SPIRE2: variants seen among roughly 807,000 people sequenced by gnomAD.
SPIRE2 encodes spire type actin nucleation factor 2, also known as protein spire homolog 2.
Under a neutral mutation model 80.7 loss-of-function variants are expected in SPIRE2, and 76 were observed. The observed-to-expected ratio is 0.94, with a 90% confidence interval of 0.78 to 1.14. The LOEUF is 1.14. Among genes scored for constraint, SPIRE2 ranks in the 50% most tolerant of loss-of-function variants. SPIRE2 has a pLI of 0.00. For missense variants in SPIRE2, 1,196 were observed against 1,015.3 expected, an observed-to-expected ratio of 1.18 and a Z score of -2.42; for synonymous variants, 535 against 432.6, an observed-to-expected ratio of 1.24 and a Z score of -2.94.
At position 89,863,715 on chromosome 16, in the gene SPIRE2, C is replaced by T; in HGVS notation, c.1711-79C>T. ...GTTTGCTCATGATCTGGTTGGGAGC[C>T]CTGAGGGGGTAGCAGGGACAGGGCG... On this transcript the variant is annotated intron_variant, in intron 11 of 14. Coordinates refer to ENST00000378247, the MANE Select transcript of SPIRE2 (RefSeq NM_032451.2). The surrounding 1 kb of genome is among the most constrained non-coding windows in gnomAD (Gnocchi z 4.3). 1 of 1,608,596 alleles carries T rather than the reference C, an allele frequency of 6.2e-7. No individual in the cohort carries two copies. The highest frequency in any genetic ancestry group is 1.3e-5 in the African/African-American group (1 of 74,906).
chr16:89,858,162 G>A lies in SPIRE2; in HGVS notation c.1103-176G>A, dbSNP rs181717407. ...GGCCTCCCAAAGTGCTGGGATTACAGGCGTGAGCCACCGCGCCCGGCCTAG... is the reference window on the plus strand; with the variant it reads ...GGCCTCCCAAAGTGCTGGGATTACAAGCGTGAGCCACCGCGCCCGGCCTAG... On this transcript the variant is annotated intron_variant, in intron 7 of 14. Coordinates refer to ENST00000378247, the MANE Select transcript of SPIRE2 (RefSeq NM_032451.2). 7.1e-3 allele frequency among the ~76,000 whole-genome samples: 1,079 copies of A among 152,326 alleles called. 5 individuals are homozygous for A. The highest frequency in any genetic ancestry group is 0.025 in the African/African-American group (1,024 of 41,586).
intron 12 of SPIRE2, among the ~76,000 whole-genome samples, chr16:89,866,574 G>A (rs947265615): frequency 9.9e-5 from 15 of 151,018 alleles, no homozygotes; most frequent in Admixed American, 2.6e-4. Context: ...GGATTACAGC[G>A]GTGAGCCACC....
rs547976606 is a variant in SPIRE2, at chr16:89,856,985, G to A, written c.1102+749G>A. 3.9e-4 allele frequency among the ~76,000 whole-genome samples: 59 copies of A among 150,510 alleles called. 1 individual carries two copies. In the South Asian group the frequency reaches 0.012, roughly 31 times the overall value. ...AGGGGCTGAGGTGGGAGGATTGCTT[G>A]AACCTGAGAAGTTGATGCCGAAGTG... On this transcript the variant is annotated intron_variant, in intron 7 of 14. Transcript: ENST00000378247.
chr16:89,861,479 CCTGCCCTGT>C (rs1234134363), intron 10 of SPIRE2, among the ~76,000 whole-genome samples: 1 of 152,214 alleles, frequency 6.6e-6, no homozygotes, highest in Non-Finnish European at 1.5e-5. Context: ...AAACGCAGGG[CCTGCCCTGT>C]TAGCCTAGGT....
chr16:89,860,706 G>C lies in SPIRE2; in HGVS notation c.1486G>C (p.Asp496His), dbSNP rs201608164. The change falls in exon 10 of 15, where the codon GAC (aspartate) becomes CAC (histidine). Residue 496 changes from aspartate to histidine, a missense_variant. By Grantham distance (81) the Asp-to-His change is moderately conservative. Coordinates refer to ENST00000378247, the MANE Select transcript of SPIRE2 (RefSeq NM_032451.2). ...AGGTACCTGTCCCGCGAGTGTCTCT[G>C]ACCCCAGCCACCCCCTACTCAGCAA... ...DQGTCPASVS[D>H]PSHPLLSNRG... 31 of 1,593,066 alleles carry C rather than the reference G, an allele frequency of 1.9e-5. No homozygotes were observed. In the East Asian group the frequency reaches 5.3e-4, roughly 27 times the overall value.
chr16:89,862,786 G>C (rs185084938), intron 10 of SPIRE2: 1 of 152,614 alleles, frequency 6.6e-6, no homozygotes, highest in Admixed American at 6.5e-5. Context: ...CCATCTCTGT[G>C]GCACCTTCAT....
rs1350191632 is a variant in SPIRE2 at position 89,863,507 on chromosome 16, T to G, written c.1607T>G (p.Leu536Arg). ...EFSHPVESLA[L>R]TVEEVMDVRR... is the part of the protein sequence containing the mutation. ...AGCCACCCCGTGGAGAGCCTGGCGC[T>G]GACTGTGGAAGAGGTGATGGACGTG... The change falls in exon 11 of 15, where the codon CTG becomes CGG. Residue 536 changes from leucine (L) to arginine (R), a missense_variant. By Grantham distance (102) the Leu-to-Arg change is moderately radical. Coordinates refer to ENST00000378247, the MANE Select transcript of SPIRE2 (RefSeq NM_032451.2). The surrounding 1 kb of genome is among the most constrained non-coding windows in gnomAD (Gnocchi z 4.3). 4 of 1,614,070 alleles carry G rather than the reference T, an allele frequency of 2.5e-6. No homozygotes were observed. The highest frequency in any genetic ancestry group is 2.2e-5 in the East Asian group (1 of 44,884).
intron 14 of SPIRE2, 119 bp from the exon 15 acceptor site, chr16:89,869,931 G>T (rs2041824650): frequency 2.3e-6 from 2 of 867,338 alleles, no homozygotes; most frequent in Non-Finnish European, 3.6e-6. Flanking sequence ...TTGCCTGAGG[G>T]CCAAGGGGAG....
Position 89,850,447 on chromosome 16 carries a change from C to G in SPIRE2, c.432C>G (p.Ala144=), listed in dbSNP as rs1443458905. ...NNDSEDSGCG[A]ADEGYGGPEE... is the part of the protein sequence containing the mutation. ...ACAGCGAGGACAGCGGCTGCGGTGCCGCCGATGAGGGCTACGGGGGTCCCG... is the reference window on the plus strand; with the variant it reads ...ACAGCGAGGACAGCGGCTGCGGTGCGGCCGATGAGGGCTACGGGGGTCCCG... Residue 144 remains alanine (A), a synonymous_variant, in exon 3 of 15, where the codon GCC becomes GCG. Transcript: ENST00000378247. The G allele has an allele frequency of 6.4e-7, 1 of 1,570,740 alleles. No homozygotes were observed. Among genetic ancestry groups the G allele is most frequent in the East Asian group, 2.3e-5 (1 of 43,626 alleles).
At chr16:89,835,574 T>G (rs2041440445) in intron 1 of SPIRE2, among the ~76,000 whole-genome samples, 1 of 152,120 alleles carries the variant, frequency 6.6e-6, no homozygotes, top group Non-Finnish European at 1.5e-5. Flanking sequence ...TGCAGCCCAT[T>G]TAAGCAAACA....
Position 89,859,232 on chromosome 16 carries a change from C to T in SPIRE2, c.1340C>T (p.Ala447Val). The part of the protein sequence containing the change: ...RDRSFSEHDL[A>V]QLRSEVASGL... The stretch of plus-strand genomic sequence containing the variant: ...CGCTCCTTCTCAGAGCATGACCTGG[C>T]CCAGCTCCGAAGTGAGGTGGCCTCT... Residue 447 changes from alanine (A) to valine (V), a missense_variant, in exon 9 of 15, where the codon GCC (alanine) becomes GTC (valine). Physicochemically the swap from Ala to Val is moderately conservative, Grantham distance 64. Transcript: ENST00000378247. The T allele has an allele frequency of 2.5e-6, 4 of 1,608,924 alleles. No individual in the cohort carries two copies. The highest frequency in any genetic ancestry group is 3.4e-6 in the Non-Finnish European group (4 of 1,178,206).
At chr16:89,867,305 G>A (rs141744326) in intron 12 of SPIRE2, among the ~76,000 whole-genome samples, 3 of 146,920 alleles carry the variant, frequency 2.0e-5, no homozygotes, top group Admixed American at 1.4e-4. Flanking sequence ...CACCATGCCC[G>A]GCTAATTTTT....
intron 13 of SPIRE2, among the ~76,000 whole-genome samples, chr16:89,869,031 TAAAAAAAAA>T (rs766356633): frequency 8.3e-5 from 2 of 23,972 alleles, no homozygotes; most frequent in Non-Finnish European, 1.2e-4. Context: ...ATCTGTGTCT[TAAAAAAAAA>T]AAAAAAAAAA....
intron 1 of SPIRE2, among the ~76,000 whole-genome samples, chr16:89,842,309 T>G (rs1414877334): frequency 1.4e-5 from 2 of 138,286 alleles, no homozygotes; most frequent in Admixed American, 8.1e-5. Context: ...ACCTCCTGGG[T>G]TCAAGCGATT....
chr16:89,860,627 C>G (rs576223781), intron 9 of SPIRE2, 56 bp from the exon 10 acceptor site: 10 of 1,227,126 alleles, frequency 8.1e-6, no homozygotes, highest in Non-Finnish European at 1.1e-5. Flanking sequence ...TGGGCACAGT[C>G]CTCTTTACCA....
chr16:89,841,693 G>A (rs535450055), intron 1 of SPIRE2, among the ~76,000 whole-genome samples: 6 of 151,738 alleles, frequency 4.0e-5, no homozygotes, highest in Admixed American at 6.6e-5. Flanking sequence ...TAGAGGCCAC[G>A]GTAAATAATT....
At chr16:89,842,845 C>T (rs566167163) in intron 1 of SPIRE2, among the ~76,000 whole-genome samples, 81 of 152,372 alleles carry the variant, frequency 5.3e-4, no homozygotes, top group African/African-American at 1.8e-3. Context: ...CACCGTGGGC[C>T]ACACATTGTT....
rs1252571751 is a variant in SPIRE2, at chr16:89,828,712, G to T, written c.162G>T (p.Ser54=). ...CFQGCRGLRG[S]PGRRLRDTGD... ...AGGGCTGCCGCGGGCTGCGGGGCTCGCCGGGCCGGCGCCTGCGGGATACCG... is the reference window on the plus strand; with the variant it reads ...AGGGCTGCCGCGGGCTGCGGGGCTCTCCGGGCCGGCGCCTGCGGGATACCG... Residue 54 remains serine (S), a synonymous_variant, in exon 1 of 15, where the codon TCG becomes TCT. Coordinates refer to ENST00000378247, the MANE Select transcript of SPIRE2 (RefSeq NM_032451.2). This position sits in a 1 kb window ranked among gnomAD's most constrained non-coding sequence, Gnocchi z 5.9. 3.2e-6 allele frequency: 4 copies of T among 1,265,754 alleles called. No individual in the cohort carries two copies. In the South Asian group the frequency reaches 8.1e-5, roughly 26 times the overall value. 78.4% of individuals were successfully genotyped at this position (1,265,754 alleles called of 1,614,324 possible). A position where few individuals can be genotyped will look rare whatever the true frequency, so the allele number is the denominator to read the frequency against.
chr16:89,854,813 G>A (rs2041674064), intron 5 of SPIRE2, among the ~76,000 whole-genome samples, 162 bp downstream of exon 5: 1 of 152,190 alleles, frequency 6.6e-6, no homozygotes, highest in Non-Finnish European at 1.5e-5. Flanking sequence ...GGATTAGGGA[G>A]ATGTGGTCCC....
Sources: allele counts gnomAD v4.1 joint callset (sites outside exome capture counted in the v4.1 genomes callset), GRCh38; gene constraint gnomAD v4.1.1; non-coding constraint Gnocchi (gnomAD v3.1); transcripts MANE v1.5; gene names NCBI Gene and HGNC (gene_info 2026-07-23, HGNC 2026-07-21).